Variants in DHX9 observed in about 807,000 individuals in gnomAD.
The protein encoded by DHX9 is DExH-box helicase 9.
DHX9 carries 27 observed loss-of-function variants against 148.7 expected under a neutral mutation model. That is an observed-to-expected ratio of 0.18 (90% CI 0.13 to 0.25). The LOEUF (loss-of-function observed/expected upper bound fraction) is 0.25. Ranked by LOEUF, DHX9 falls within the 10% of genes least tolerant of loss-of-function variation. DHX9 has a pLI of 1.00. For synonymous variants in DHX9, 529 were observed against 516.6 expected, an observed-to-expected ratio of 1.02 and a Z score of -0.33; for missense variants, 796 against 1,559.6, an observed-to-expected ratio of 0.51 and a Z score of 8.25.
chr1:182,867,539 A>G (rs138806786), intron 14 of DHX9, among the ~76,000 whole-genome samples: 1,527 of 152,236 alleles, frequency 0.01, 11 homozygotes, highest in South Asian at 0.029. Context: ...AGTAGCTGGG[A>G]CTGCAGGTGC....
chr1:182,846,549 T>C (rs78304582), intron 3 of DHX9, among the ~76,000 whole-genome samples: 2,192 of 152,340 alleles, frequency 0.014, 21 homozygotes, highest in Middle Eastern at 0.037. Flanking sequence ...CCAGATAGGC[T>C]TTAAAGATAA....
chr1:182,851,456 T>C (rs1428968636), intron 3 of DHX9, among the ~76,000 whole-genome samples: 1 of 152,208 alleles, frequency 6.6e-6, no homozygotes, highest in African/African-American at 2.4e-5. Flanking sequence ...AAAAACAGCT[T>C]TTTGAATGAA....
At chr1:182,840,598 G>C (rs545871994) in intron 1 of DHX9, among the ~76,000 whole-genome samples, 1 of 152,252 alleles carries the variant, frequency 6.6e-6, no homozygotes, top group East Asian at 1.9e-4. Flanking sequence ...GCGCCCGCCC[G>C]AATTCTTGCT....
intron 4 of DHX9, 110 bp from the exon 5 acceptor site, chr1:182,853,196 A>G: frequency 1.3e-6 from 1 of 749,986 alleles, no homozygotes; most frequent in Non-Finnish European, 2.2e-6. Context: ...AAGTGCTGGG[A>G]TTACAGATGT....
chr1:182,842,412 A>T, intron 1 of DHX9, 133 bp from the exon 2 acceptor site: 1 of 533,250 alleles, frequency 1.9e-6, no homozygotes, highest in East Asian at 3.0e-5. Context: ...ATGTCGTTAA[A>T]ATTTATGGGG....
chr1:182,886,368 G>A (rs879827514), intron 27 of DHX9, among the ~76,000 whole-genome samples: 1 of 151,740 alleles, frequency 6.6e-6, no homozygotes, highest in Non-Finnish European at 1.5e-5. Flanking sequence ...GCTAATTTTT[G>A]TATTTTTAGT....
chr1:182,847,589 C>T (rs532628059), intron 3 of DHX9, among the ~76,000 whole-genome samples: 31 of 152,248 alleles, frequency 2.0e-4, no homozygotes, highest in Non-Finnish European at 3.4e-4. Flanking sequence ...ATACAGAATT[C>T]GGGGCTCCTC....
rs1302395270 is a variant in DHX9, at chr1:182,881,385, G to A, written c.2746G>A (p.Val916Ile). ...TGCTGGAAACAGATTTTCTGATCAC[G>A]TAGCCCTTTTATCAGTATTCCAAGC... ...NFAGNRFSDH[V>I]ALLSVFQAWD... is the part of the protein sequence containing the mutation. Residue 916 changes from valine to isoleucine, a missense_variant, in exon 23 of 28, where the codon GTA becomes ATA. Around this residue, in one of 14 missense-constraint regions of DHX9, gnomAD observed 122 missense variants for 289.3 expected, o/e 0.42. Transcript: ENST00000367549. 18 of 1,614,034 alleles carry A rather than the reference G, an allele frequency of 1.1e-5. No homozygotes were observed. The highest frequency in any genetic ancestry group is 3.3e-5 in the South Asian group (3 of 91,086).
chr1:182,886,837 A>G (rs773702354), intron 27 of DHX9, among the ~76,000 whole-genome samples: 1 of 152,220 alleles, frequency 6.6e-6, no homozygotes, highest in Non-Finnish European at 1.5e-5. Context: ...GGACTGTCTT[A>G]AAGTTCTAAT....
Position 182,858,093 on chromosome 1 carries a change from T to G in DHX9, c.674-11T>G. The G allele has an allele frequency of 6.2e-7, 1 of 1,609,362 alleles. No homozygotes were observed. The highest frequency in any genetic ancestry group is 8.5e-7 in the Non-Finnish European group (1 of 1,178,806). ...TTCTTTCTGTCTGATAATCCTGACCTTACATTATAGGGATTTTTGCACGAG... is the reference window on the plus strand; with the variant it reads ...TTCTTTCTGTCTGATAATCCTGACCGTACATTATAGGGATTTTTGCACGAG... On this transcript the variant is annotated splice_polypyrimidine_tract_variant and intron_variant, in intron 7 of 27. Transcript: ENST00000367549.
At chr1:182,884,512 G>T in intron 26 of DHX9, 101 bp from the exon 27 acceptor site, 1 of 1,051,468 alleles carries the variant, frequency 9.5e-7, no homozygotes, top group Non-Finnish European at 1.4e-6. Context: ...TGCTTAAGAA[G>T]TTAAATTTAT....
intron 12 of DHX9, among the ~76,000 whole-genome samples, chr1:182,861,222 T>G (rs1249547917): frequency 1.3e-5 from 2 of 152,180 alleles, no homozygotes; most frequent in Non-Finnish European, 2.9e-5. Flanking sequence ...GAAGGAATCA[T>G]GTTGCATCCT....
chr1:182,875,707 CT>C (rs1398463363), intron 16 of DHX9, among the ~76,000 whole-genome samples: 1 of 152,128 alleles, frequency 6.6e-6, no homozygotes, highest in East Asian at 1.9e-4. Context: ...TCTCAACTTG[CT>C]TTATCATTGA....
At chr1:182,877,017 A>C in intron 19 of DHX9, 114 bp downstream of exon 19, 1 of 667,358 alleles carries the variant, frequency 1.5e-6, no homozygotes, top group African/African-American at 1.8e-5. Flanking sequence ...TTAAATCTCC[A>C]AAATTATTGT....
At chr1:182,872,747 C>T (rs1648601610) in intron 15 of DHX9, among the ~76,000 whole-genome samples, 1 of 152,132 alleles carries the variant, frequency 6.6e-6, no homozygotes, top group South Asian at 2.1e-4. Context: ...CAGGCCTTTA[C>T]TTATAAAGCC....
chr1:182,884,524 C>T (rs1438795355), intron 26 of DHX9, 89 bp from the exon 27 acceptor site: 6 of 1,127,956 alleles, frequency 5.3e-6, no homozygotes, highest in South Asian at 1.4e-5. Context: ...TAAATTTATT[C>T]TATAATGTGC....
chr1:182,841,049 C>T (rs1463241679), intron 1 of DHX9, among the ~76,000 whole-genome samples: 2 of 151,986 alleles, frequency 1.3e-5, no homozygotes, highest in Non-Finnish European at 2.9e-5. Flanking sequence ...TCCAGCACTT[C>T]GGGAGGTTGA....
Position 182,860,106 on chromosome 1 carries a change from C to G in DHX9, c.1254C>G (p.Thr418=), listed in dbSNP as rs1668333371. Residue 418 remains threonine (T), a synonymous_variant, in exon 12 of 28, where the codon ACC becomes ACG. Coordinates refer to ENST00000367549, the MANE Select transcript of DHX9 (RefSeq NM_001357.5). ...IIRGATGCGK[T]TQVPQFILDD... ...GAGGGGCTACTGGATGTGGGAAAAC[C>G]ACACAGGTTCCCCAGTTCATTCTAG... is the stretch of plus-strand genomic sequence containing the variant. The G allele has an allele frequency of 1.2e-6, 2 of 1,613,760 alleles. No individual in the cohort carries two copies. Among genetic ancestry groups the G allele is most frequent in the Admixed American group, 1.7e-5 (1 of 59,942 alleles).
intron 22 of DHX9, 50 bp from the exon 23 acceptor site, chr1:182,881,214 G>C: frequency 6.4e-7 from 1 of 1,569,382 alleles, no homozygotes; most frequent in Non-Finnish European, 8.6e-7. Flanking sequence ...TGAGCTGCTG[G>C]CAACAACATT....
Sources: gnomAD v4.1 joint callset for allele counts (sites outside exome capture counted in the v4.1 genomes callset) on GRCh38, gnomAD v4.1.1 for gene constraint, gnomAD v4.1.1 regional missense constraint, MANE v1.5 for transcripts, NCBI Gene and HGNC (gene_info 2026-07-23, HGNC 2026-07-21) for gene names.